RPS6KA5: variants seen among roughly 807,000 people sequenced by gnomAD.
RPS6KA5 encodes ribosomal protein S6 kinase A5.
Under a neutral mutation model 85.5 loss-of-function variants are expected in RPS6KA5, and 27 were observed. The ratio of observed to expected loss-of-function variants is 0.32; its 90% CI spans 0.23 to 0.44. The LOEUF is 0.44. Among genes scored for constraint, RPS6KA5 ranks in the 20% least tolerant of loss-of-function variants. RPS6KA5 has a pLI of 1.00. For missense variants in RPS6KA5, 811 were observed against 980.9 expected (o/e 0.83, Z 2.31); for synonymous variants, 334 against 348.2 (o/e 0.96, Z 0.46).
chr14:90,916,082 G>T (rs1352349054), intron 7 of RPS6KA5, among the ~76,000 whole-genome samples: 5 of 152,030 alleles, frequency 3.3e-5, no homozygotes, highest in African/African-American at 1.2e-4. Context: ...AGAAATAATA[G>T]AATTATTCCA....
chr14:91,054,727 A>G (rs547386783), intron 1 of RPS6KA5, among the ~76,000 whole-genome samples: 95 of 152,034 alleles, frequency 6.2e-4, no homozygotes, highest in African/African-American at 2.3e-3. Context: ...GAGGAGGGAG[A>G]ATCACTTAAG....
intron 3 of RPS6KA5, among the ~76,000 whole-genome samples, chr14:90,973,328 A>G (rs2039408315): frequency 6.6e-6 from 1 of 152,088 alleles, no homozygotes; most frequent in Non-Finnish European, 1.5e-5. Flanking sequence ...CTGTAGTCCC[A>G]GCTACTCAGG....
intron 5 of RPS6KA5, among the ~76,000 whole-genome samples, chr14:90,938,189 A>G (rs1027710206): frequency 1.3e-5 from 2 of 152,346 alleles, no homozygotes; most frequent in Admixed American, 1.3e-4. Flanking sequence ...CCAGCGGGGC[A>G]GTCAAATCTT....
At chr14:90,910,267 C>T (rs1360200343) in intron 7 of RPS6KA5, among the ~76,000 whole-genome samples, 7 of 152,028 alleles carry the variant, frequency 4.6e-5, no homozygotes, top group African/African-American at 1.7e-4. Flanking sequence ...AAATACACAT[C>T]AGTAATATAA....
At chr14:90,888,913 G>A (rs575278537) in intron 14 of RPS6KA5, among the ~76,000 whole-genome samples, 3 of 152,212 alleles carry the variant, frequency 2.0e-5, no homozygotes, top group Non-Finnish European at 2.9e-5. Context: ...CAATATTAAC[G>A]TCAAAGAATG....
At chr14:90,912,904 CTTTT>C (rs57029403) in intron 7 of RPS6KA5, among the ~76,000 whole-genome samples, 6 of 53,288 alleles carry the variant, frequency 1.1e-4, no homozygotes, top group Non-Finnish European at 1.9e-4. Context: ...CATAAAGCAT[CTTTT>C]TTTTTTTTTT....
At chr14:91,053,090 A>G (rs2043162786) in intron 1 of RPS6KA5, among the ~76,000 whole-genome samples, 1 of 152,228 alleles carries the variant, frequency 6.6e-6, no homozygotes, top group Admixed American at 6.5e-5. Flanking sequence ...GTAATACACC[A>G]TATGAACAGA....
chr14:90,972,643 G>A (rs2039375475), intron 3 of RPS6KA5, among the ~76,000 whole-genome samples: 1 of 152,278 alleles, frequency 6.6e-6, no homozygotes, highest in Admixed American at 6.5e-5. Flanking sequence ...TGCAAGTACT[G>A]GAAGAAGACA....
At chr14:90,937,516 G>A (rs2037326627) in intron 5 of RPS6KA5, among the ~76,000 whole-genome samples, 1 of 152,284 alleles carries the variant, frequency 6.6e-6, no homozygotes, top group South Asian at 2.1e-4. Context: ...AAGAGGAAGA[G>A]GTTAAAGAGA....
chr14:90,897,253 G>A (rs1029827625), intron 12 of RPS6KA5, among the ~76,000 whole-genome samples: 1 of 152,162 alleles, frequency 6.6e-6, no homozygotes, highest in Non-Finnish European at 1.5e-5. Flanking sequence ...CTCACCTCCC[G>A]CTGTGCACCT....
At chr14:90,983,693 GA>G (rs2140498698) in intron 2 of RPS6KA5, among the ~76,000 whole-genome samples, 1 of 146,484 alleles carries the variant, frequency 6.8e-6, no homozygotes, top group East Asian at 2.2e-4. Context: ...AAGGGGAGGG[GA>G]AAGGGGCATC....
In RPS6KA5 at chr14:90,902,827, C is replaced by T. The variant is rs2035249970; in HGVS notation, c.1100G>A (p.Ser367Asn). 1 of 1,613,932 alleles carries T rather than the reference C, an allele frequency of 6.2e-7. No homozygotes were observed. ...PTYSPAALPQ[S>N]SEKLFQGYSF... ...AATTACCTGAAACAGCTTCTCAGAA[C>T]TCTGGGGCAGGGCTGCGGGAGAATA... Residue 367 changes from serine (S) to asparagine (N), a missense_variant, in exon 9 of 17, where the codon AGT becomes AAT. Ser to Asn is a conservative substitution (Grantham distance 46). Around this residue, in one of 3 missense-constraint regions of RPS6KA5, gnomAD observed 650 missense variants for 793.4 expected, o/e 0.82. Transcript: ENST00000614987.
At chr14:90,887,992 CT>C (rs1300606973) in intron 14 of RPS6KA5, among the ~76,000 whole-genome samples, 1 of 139,724 alleles carries the variant, frequency 7.2e-6, no homozygotes, top group East Asian at 2.1e-4. Flanking sequence ...TTAGAAAGTG[CT>C]TAAATCAGGA....
chr14:90,976,541 G>T (rs539099097), intron 3 of RPS6KA5, among the ~76,000 whole-genome samples: 1 of 152,074 alleles, frequency 6.6e-6, no homozygotes, highest in Non-Finnish European at 1.5e-5. Context: ...TTGAGGGAAG[G>T]GTCCTGCACT....
intron 2 of RPS6KA5, 25 bp from the exon 3 acceptor site, chr14:90,978,549 AAG>A (rs1287800910): frequency 1.3e-6 from 2 of 1,534,690 alleles, no homozygotes; most frequent in Non-Finnish European, 1.8e-6. Flanking sequence ...AAAAAATAAA[AAG>A]AATTAAAATG....
chr14:90,937,160 G>A (rs2037303871), intron 5 of RPS6KA5, among the ~76,000 whole-genome samples: 2 of 152,114 alleles, frequency 1.3e-5, no homozygotes. Flanking sequence ...ACAGAGCCAA[G>A]CTGAGAGGTG....
rs539451574 is a variant in RPS6KA5, at chr14:90,864,684, G to A, written c.*7390C>T. On this transcript the variant is annotated 3_prime_UTR_variant, in exon 17 of 17. Coordinates refer to ENST00000614987, the MANE Select transcript of RPS6KA5 (RefSeq NM_004755.4). ...ATAAAAGACTCCTGCAAGTCAGTAA[G>A]AAAAAAAGACAACCCAATAAATATG... 2.2e-4 allele frequency: 34 copies of A among 152,040 alleles called. No homozygotes were observed. The highest frequency in any genetic ancestry group is 8.0e-4 in the African/African-American group (33 of 41,482). 9.4% of individuals were successfully genotyped at this position (152,040 alleles called of 1,614,324 possible).
chr14:90,909,273 G>A (rs1432699223), intron 7 of RPS6KA5, among the ~76,000 whole-genome samples: 1 of 152,134 alleles, frequency 6.6e-6, no homozygotes, highest in African/African-American at 2.4e-5. Context: ...CTCCTCCAAT[G>A]TGCTTGATTT....
chr14:90,921,049 T>C (rs2036378465), intron 6 of RPS6KA5, among the ~76,000 whole-genome samples: 1 of 152,116 alleles, frequency 6.6e-6, no homozygotes, highest in Non-Finnish European at 1.5e-5. Flanking sequence ...TCTTGATGTA[T>C]TGAAAATTAC....
Sources: gnomAD v4.1 joint callset for allele counts (sites outside exome capture counted in the v4.1 genomes callset) on GRCh38, gnomAD v4.1.1 for gene constraint, gnomAD v4.1.1 regional missense constraint, MANE v1.5 for transcripts, NCBI Gene and HGNC (gene_info 2026-07-23, HGNC 2026-07-21) for gene names.